The following EML5 variants were observed in gnomAD, a reference collection of about 807,000 sequenced individuals.
EML5 encodes the protein EMAP like 5.
A neutral mutation model predicts 250.0 loss-of-function variants in EML5; 120 were observed. The observed-to-expected ratio is 0.48, with a 90% confidence interval of 0.41 to 0.56. The LOEUF is 0.56. Among genes scored for constraint, EML5 ranks in the 20% least tolerant of loss-of-function variants. EML5 has a pLI of 0.00. For synonymous variants in EML5, 771 were observed against 806.5 expected (o/e 0.96, Z 0.75); for missense variants, 2,006 against 2,437.6 (o/e 0.82, Z 3.73).
intron 4 of EML5, among the ~76,000 whole-genome samples, chr14:88,742,645 A>T (rs1444273086): frequency 6.6e-6 from 1 of 152,182 alleles, no homozygotes; most frequent in African/African-American, 2.4e-5. Flanking sequence ...AGCACTTAAT[A>T]TATATCAAGT....
chr14:88,700,384 G>GT lies in EML5; in HGVS notation c.2238+2061dup, dbSNP rs952884132. Among the ~76,000 whole-genome samples the GT allele has an allele frequency of 1.0e-4, 15 of 150,154 alleles. No individual in the cohort carries two copies. The East Asian group carries it at 1.2e-3, about 12-fold the overall frequency. On this transcript the variant is annotated intron_variant, in intron 14 of 43. Coordinates refer to ENST00000554922, the MANE Select transcript of EML5 (RefSeq NM_183387.3). ...ACAGAGACCTCTGCAACAATTATTT[G>GT]TTTTTTTTTCTTAAAGTGAAAGAAT...
intron 17 of EML5, among the ~76,000 whole-genome samples, chr14:88,692,214 A>G (rs879789731): frequency 2.6e-5 from 4 of 152,030 alleles, no homozygotes; most frequent in Non-Finnish European, 5.9e-5. Flanking sequence ...CATCTCTGCT[A>G]AAAAATACAA....
intron 7 of EML5, among the ~76,000 whole-genome samples, chr14:88,735,205 G>C (rs2093821192): frequency 6.6e-6 from 1 of 152,096 alleles, no homozygotes; most frequent in African/African-American, 2.4e-5. Context: ...TCAATTTCTG[G>C]TATTAGGTCC....
chr14:88,691,091 T>C (rs901169090), intron 17 of EML5, among the ~76,000 whole-genome samples: 1 of 152,214 alleles, frequency 6.6e-6, no homozygotes, highest in Non-Finnish European at 1.5e-5. Flanking sequence ...TAATGGCAAC[T>C]GCTGGGTATC....
intron 14 of EML5, among the ~76,000 whole-genome samples, chr14:88,700,426 A>G (rs1157105782): frequency 6.6e-6 from 1 of 152,186 alleles, no homozygotes; most frequent in Non-Finnish European, 1.5e-5. Context: ...GATCCAAGGA[A>G]TCAAAACAGT....
rs770901729 is a variant in EML5, at chr14:88,681,929, G to C, written c.3085C>G (p.Pro1029Ala). 6 of 1,612,974 alleles carry C rather than the reference G, an allele frequency of 3.7e-6. No homozygotes were observed. The African/African-American group carries it at 5.3e-5, about 14-fold the overall frequency. The change falls in exon 21 of 44, where the codon CCT becomes GCT. Residue 1029 changes from proline to alanine, a missense_variant. Coordinates refer to ENST00000554922, the MANE Select transcript of EML5 (RefSeq NM_183387.3). ...DKTLRIWDLS[P>A]SHCMLAVRKL... ...CGGACAGCCAACATACAATGACTAG[G>C]TGAGAGATCCCATATTCTTAAGGTT...
At position 88,620,588 on chromosome 14, in the gene EML5, A is replaced by G. The variant is rs760011614; in HGVS notation, c.5375+166T>C. 6.3e-5 allele frequency: 33 copies of G among 525,516 alleles called. No homozygotes were observed. The highest frequency in any genetic ancestry group is 9.3e-5 in the Non-Finnish European group (30 of 323,134). The allele number at this position is 525,516 out of a possible 1,614,324, so 32.6% of individuals were successfully genotyped here. A position where few individuals can be genotyped will look rare whatever the true frequency, so the allele number is the denominator to read the frequency against. ...CCCAGTGGGTTTATAATTTAGCAAGAAGAATTAAGTAGTATACAAACAGCC... is the reference window on the plus strand; with the variant it reads ...CCCAGTGGGTTTATAATTTAGCAAGGAGAATTAAGTAGTATACAAACAGCC... On this transcript the variant is annotated intron_variant, in intron 39 of 43. Transcript: ENST00000554922. The surrounding 1 kb of genome is among the most constrained non-coding windows in gnomAD (Gnocchi z 4.3).
Position 88,626,794 on chromosome 14 carries a change from G to A in EML5, c.4740+44C>T, listed in dbSNP as rs559380252. 23 of 1,593,808 alleles carry A rather than the reference G, an allele frequency of 1.4e-5. No individual in the cohort carries two copies. In the African/African-American group the frequency reaches 2.3e-4, roughly 16 times the overall value. The stretch of plus-strand genomic sequence containing the variant: ...GGCTGATGATCTAAGGCAAGAGAAT[G>A]TAAAGTAGTCAAAGTCACACTATGT... On this transcript the variant is annotated intron_variant, in intron 35 of 43. Transcript: ENST00000554922.
chr14:88,775,827 A>G (rs1242222945), intron 1 of EML5, among the ~76,000 whole-genome samples: 1 of 152,218 alleles, frequency 6.6e-6, no homozygotes, highest in African/African-American at 2.4e-5. Flanking sequence ...TGCTGTCTTC[A>G]GGTCTGACCC....
intron 8 of EML5, among the ~76,000 whole-genome samples, chr14:88,722,062 A>T (rs1256536516): frequency 6.6e-6 from 1 of 152,212 alleles, no homozygotes; most frequent in Admixed American, 6.5e-5. Flanking sequence ...AACCACATTG[A>T]GGTACCATCT....
intron 1 of EML5, among the ~76,000 whole-genome samples, chr14:88,759,036 A>T (rs2094201353): frequency 6.6e-6 from 1 of 152,168 alleles, no homozygotes; most frequent in African/African-American, 2.4e-5. Flanking sequence ...GAGCTTGGGA[A>T]TTTTTTAGGG....
Position 88,687,310 on chromosome 14 carries a change from T to C in EML5, c.2760A>G (p.Gly920=), listed in dbSNP as rs1486018152. ...CCCAAAGAGCTACTATACCATCTTT[T>C]CCTCCAGTTACAAACCCCTATGGAA... ...HALEKGFVTG[G]KDGIVALWDD... Residue 920 remains glycine, a synonymous_variant, in exon 19 of 44, where the codon GGA becomes GGG. Coordinates refer to ENST00000554922, the MANE Select transcript of EML5 (RefSeq NM_183387.3). The C allele has an allele frequency of 6.2e-7, 1 of 1,607,070 alleles. No homozygotes were observed. Among genetic ancestry groups the C allele is most frequent in the East Asian group, 2.2e-5 (1 of 44,700 alleles).
At chr14:88,658,012 T>C (rs1481864868) in intron 26 of EML5, among the ~76,000 whole-genome samples, 175 bp downstream of exon 26, 3 of 152,214 alleles carry the variant, frequency 2.0e-5, no homozygotes, top group East Asian at 1.9e-4. Flanking sequence ...AAGTCATAAA[T>C]TCATGGCAAC....
rs766503769 is a variant in EML5, at chr14:88,726,609, A to G, written c.1119T>C (p.Ala373=). ...CNMEEPIRCA[A]VNADGIHLAL... ...CAAGATGGATTCCATCTGCATTGACAGCTGCACAACGAATTGGTTCTTCCA... is the reference window on the plus strand; with the variant it reads ...CAAGATGGATTCCATCTGCATTGACGGCTGCACAACGAATTGGTTCTTCCA... The change falls in exon 8 of 44, where the codon GCT becomes GCC. Residue 373 remains alanine (A), a synonymous_variant. Transcript: ENST00000554922. 8 of 1,590,034 alleles carry G rather than the reference A, an allele frequency of 5.0e-6. No individual in the cohort carries two copies. The Admixed American group carries it at 1.4e-4, about 28-fold the overall frequency.
intron 4 of EML5, among the ~76,000 whole-genome samples, chr14:88,743,562 C>A (rs1304241305): frequency 6.6e-6 from 1 of 152,054 alleles, no homozygotes; most frequent in Non-Finnish European, 1.5e-5. Flanking sequence ...TAACAGCAGT[C>A]ACAGTTTTAA....
At chr14:88,755,451 T>C (rs1407151173) in intron 1 of EML5, among the ~76,000 whole-genome samples, 3 of 152,104 alleles carry the variant, frequency 2.0e-5, no homozygotes, top group Non-Finnish European at 4.4e-5. Context: ...AATTCCATTT[T>C]AAGAAACAGA....
chr14:88,643,913 T>C (rs2091209951), intron 30 of EML5, among the ~76,000 whole-genome samples: 1 of 152,180 alleles, frequency 6.6e-6, no homozygotes, highest in African/African-American at 2.4e-5. Flanking sequence ...TAGCAGAGTT[T>C]GGTTGTTCGC....
At chr14:88,783,529 T>C (rs2094519606) in intron 1 of EML5, among the ~76,000 whole-genome samples, 2 of 152,188 alleles carry the variant, frequency 1.3e-5, no homozygotes, top group Non-Finnish European at 1.5e-5. Context: ...GCTATATTTA[T>C]ACCAGAAAAA....
intron 1 of EML5, among the ~76,000 whole-genome samples, chr14:88,767,489 T>C (rs999539881): frequency 1.3e-5 from 2 of 152,198 alleles, no homozygotes; most frequent in Non-Finnish European, 2.9e-5. Flanking sequence ...TATCATATAC[T>C]TCCCACAACT....
Sources: allele counts gnomAD v4.1 joint callset (sites outside exome capture counted in the v4.1 genomes callset), GRCh38; gene constraint gnomAD v4.1.1; non-coding constraint Gnocchi (gnomAD v3.1); transcripts MANE v1.5; gene names NCBI Gene and HGNC (gene_info 2026-07-23, HGNC 2026-07-21).